Variants in MCPH1 observed in about 807,000 individuals in gnomAD.
MCPH1 encodes the protein microcephalin.
Under a neutral mutation model 84.5 loss-of-function variants are expected in MCPH1, and 104 were observed. The ratio of observed to expected loss-of-function variants is 1.23; its 90% CI spans 1.05 to 1.45. The LOEUF is 1.45. Ranked by LOEUF, MCPH1 falls within the 40% of genes most tolerant of loss-of-function variation. The probability of loss-of-function intolerance (pLI) is 0.00; values close to 1 mark genes in which losing one functional copy is unlikely to be tolerated. For missense variants in MCPH1, 1,498 were observed against 1,005.7 expected, an observed-to-expected ratio of 1.49 and a Z score of -6.62; for synonymous variants, 514 against 366.8, an observed-to-expected ratio of 1.40 and a Z score of -4.58.
chr8:6,467,949 T>A lies in MCPH1; in HGVS notation c.1936-9645T>A, dbSNP rs184437254. Among the ~76,000 whole-genome samples, 238 of 152,276 alleles carry A rather than the reference T, an allele frequency of 1.6e-3. 3 individuals carry two copies. The highest frequency in any genetic ancestry group is 5.4e-3 in the African/African-American group (224 of 41,546). Reference sequence around the variant, plus strand: ...AGGTAGAGGTGTGTACGTGTCTGTTTCTCAAAATAGTAGCACTAGCCAGGA... The same window carrying A: ...AGGTAGAGGTGTGTACGTGTCTGTTACTCAAAATAGTAGCACTAGCCAGGA... On this transcript the variant is annotated intron_variant, in intron 9 of 13. Coordinates refer to ENST00000344683, the MANE Select transcript of MCPH1 (RefSeq NM_024596.5).
chr8:6,573,524 A>C (rs1409034943), intron 12 of MCPH1, among the ~76,000 whole-genome samples: 1 of 152,226 alleles, frequency 6.6e-6, no homozygotes, highest in Non-Finnish European at 1.5e-5. Flanking sequence ...CAAGATAATA[A>C]ACACATATTC....
At chr8:6,473,722 T>C (rs1808066403) in intron 9 of MCPH1, 2 of 490,698 alleles carry the variant, frequency 4.1e-6, no homozygotes, top group Non-Finnish European at 6.9e-6. Context: ...ACCTTTATAC[T>C]ATCCGCCTGC....
At chr8:6,449,893 G>A (rs781618372) in intron 8 of MCPH1, among the ~76,000 whole-genome samples, 3 of 152,240 alleles carry the variant, frequency 2.0e-5, no homozygotes, top group East Asian at 1.9e-4. Context: ...AGTTAAAGCC[G>A]ACTGGTCATC....
chr8:6,483,408 A>G (rs1346286509), intron 11 of MCPH1, among the ~76,000 whole-genome samples: 1 of 152,228 alleles, frequency 6.6e-6, no homozygotes, highest in African/African-American at 2.4e-5. Context: ...GACTGGCACT[A>G]CCTGCTTTTG....
At chr8:6,574,485 C>T (rs1027053894) in intron 12 of MCPH1, among the ~76,000 whole-genome samples, 1 of 152,186 alleles carries the variant, frequency 6.6e-6, no homozygotes, top group African/African-American at 2.4e-5. Flanking sequence ...GTTGCTGTGG[C>T]TTAGGACTTA....
At chr8:6,430,559 T>C (rs1437323117) in intron 3 of MCPH1, among the ~76,000 whole-genome samples, 1 of 152,236 alleles carries the variant, frequency 6.6e-6, no homozygotes, top group Non-Finnish European at 1.5e-5. Flanking sequence ...ACTTCCTTTA[T>C]TCCTAATATA....
intron 2 of MCPH1, among the ~76,000 whole-genome samples, chr8:6,410,058 C>T (rs1798323017): frequency 6.6e-6 from 1 of 152,060 alleles, no homozygotes; most frequent in Non-Finnish European, 1.5e-5. Context: ...CAATCTCTGC[C>T]TTCTGGGTTC....
intron 2 of MCPH1, among the ~76,000 whole-genome samples, chr8:6,411,433 C>G (rs562981718): frequency 6.6e-6 from 1 of 152,082 alleles, no homozygotes; most frequent in African/African-American, 2.4e-5. Flanking sequence ...AATTTTCAGC[C>G]GTAAAGTGCA....
At chr8:6,433,863 T>G (rs1226533165) in intron 4 of MCPH1, among the ~76,000 whole-genome samples, 1 of 152,066 alleles carries the variant, frequency 6.6e-6, no homozygotes, top group Non-Finnish European at 1.5e-5. Context: ...GTTCTGTGCC[T>G]CTGTCTCCCC....
Position 6,538,301 on chromosome 8 carries a change from C to T in MCPH1, c.2214+38372C>T, listed in dbSNP as rs1397212454. ...ACACACACATACACGTTTTCTACCC[C>T]CCATGATCCCATCTTCCCGCCCAGG... On this transcript the variant is annotated intron_variant, in intron 12 of 13. Coordinates refer to ENST00000344683, the MANE Select transcript of MCPH1 (RefSeq NM_024596.5). Among the ~76,000 whole-genome samples the T allele has an allele frequency of 2.6e-5, 4 of 152,292 alleles. 1 individual carries two copies. Among genetic ancestry groups the T allele is most frequent in the Admixed American group, 1.3e-4 (2 of 15,300 alleles).
At chr8:6,431,662 A>G in intron 4 of MCPH1, 76 bp downstream of exon 4, 1 of 979,306 alleles carries the variant, frequency 1.0e-6, no homozygotes, top group Non-Finnish European at 1.6e-6. Flanking sequence ...TAGAAAATAA[A>G]ACTTCTAGAA....
chr8:6,553,925 G>T (rs760841624), intron 12 of MCPH1, among the ~76,000 whole-genome samples: 3 of 152,046 alleles, frequency 2.0e-5, no homozygotes, highest in Non-Finnish European at 2.9e-5. Context: ...ACCAAGATAT[G>T]GTTTGGGCAG....
intron 12 of MCPH1, among the ~76,000 whole-genome samples, chr8:6,520,351 G>A (rs1204994498): frequency 6.6e-6 from 1 of 152,106 alleles, no homozygotes; most frequent in East Asian, 1.9e-4. Flanking sequence ...AACTTAGTAT[G>A]GAAGAATTTA....
chr8:6,600,313 G>T (rs145495784), intron 12 of MCPH1, among the ~76,000 whole-genome samples: 8 of 152,228 alleles, frequency 5.3e-5, no homozygotes, highest in African/African-American at 1.9e-4. Flanking sequence ...CAGCAGGGAT[G>T]CCAGACCTTC....
At position 6,648,468 on chromosome 8, in the gene MCPH1, C is replaced by G. The variant is rs1252218115; in HGVS notation, c.*5419C>G. On this transcript the variant is annotated 3_prime_UTR_variant, in exon 14 of 14. Coordinates refer to ENST00000344683, the MANE Select transcript of MCPH1 (RefSeq NM_024596.5). Reference sequence around the variant, plus strand: ...AACATTTCTTCAGTGAAACCTAGAACAAAAGTGGAATAAATAAAAACTAAC... The same window carrying G: ...AACATTTCTTCAGTGAAACCTAGAAGAAAAGTGGAATAAATAAAAACTAAC... 6.6e-6 allele frequency: 1 copy of G among 151,974 alleles called. No individual in the cohort carries two copies. Among genetic ancestry groups the G allele is most frequent in the Non-Finnish European group, 1.5e-5 (1 of 68,012 alleles). The allele number at this position is 151,974 out of a possible 1,614,324, so 9.4% of individuals were successfully genotyped here.
chr8:6,475,158 C>T (rs987435021), intron 9 of MCPH1, among the ~76,000 whole-genome samples: 2 of 152,148 alleles, frequency 1.3e-5, no homozygotes, highest in Non-Finnish European at 2.9e-5. Context: ...GATGGTTATC[C>T]CAGGATGAGA....
chr8:6,621,236 TGGA>T, intron 12 of MCPH1: 3 of 609,566 alleles, frequency 4.9e-6, no homozygotes, highest in South Asian at 2.0e-5. Context: ...TTTGTTTCCT[TGGA>T]GTTTTACGCA....
chr8:6,606,892 T>C (rs188187358), intron 12 of MCPH1, among the ~76,000 whole-genome samples: 306 of 152,362 alleles, frequency 2.0e-3, no homozygotes, highest in African/African-American at 6.7e-3. Flanking sequence ...TTTGCCACCA[T>C]GTGAGATGTG....
chr8:6,492,467 C>G (rs894594460), intron 11 of MCPH1, among the ~76,000 whole-genome samples: 1 of 151,660 alleles, frequency 6.6e-6, no homozygotes, highest in Non-Finnish European at 1.5e-5. Context: ...TGCAGAAGCT[C>G]TTTAGTTTAA....
Sources: allele counts gnomAD v4.1 joint callset (sites outside exome capture counted in the v4.1 genomes callset), GRCh38; gene constraint gnomAD v4.1.1; transcripts MANE v1.5; gene names NCBI Gene and HGNC (gene_info 2026-07-23, HGNC 2026-07-21).